Variants in RFPL4A observed in about 807,000 individuals in gnomAD.
The protein encoded by RFPL4A is ret finger protein like 4A, also known as ret finger protein-like 4A.
Under a neutral mutation model 8.3 loss-of-function variants are expected in RFPL4A, and 4 were observed. That is an observed-to-expected ratio of 0.48 (90% CI 0.24 to 1.10). The LOEUF is 1.10. Among genes scored for constraint, RFPL4A ranks in the 50% least tolerant of loss-of-function variants. RFPL4A has a pLI of 0.18. For synonymous variants in RFPL4A, 43 were observed against 136.6 expected, an observed-to-expected ratio of 0.31 and a Z score of 4.78; for missense variants, 111 against 358.7, an observed-to-expected ratio of 0.31 and a Z score of 5.58.
Position 55,759,189 on chromosome 19 carries a change from T to G in RFPL4A, c.-10+14T>G, listed in dbSNP as rs199838993. 1 of 120,112 alleles carries G rather than the reference T, an allele frequency of 8.3e-6. No homozygotes were observed. Among genetic ancestry groups the G allele is most frequent in the Non-Finnish European group, 1.9e-5 (1 of 53,844 alleles). The allele number at this position is 120,112 out of a possible 1,614,324, so 7.4% of individuals were successfully genotyped here. A position where few individuals can be genotyped will look rare whatever the true frequency, so the allele number is the denominator to read the frequency against. ...CCAGAAGGAGAGGTGAGTTCAATCT[T>G]ATGGAATTCATTTTTACAAAAGGCG... On this transcript the variant is annotated intron_variant, in intron 1 of 2. Coordinates refer to ENST00000434937, the MANE Select transcript of RFPL4A (RefSeq NM_001145014.2).
At chr19:55,758,434 C>T (rs1989216229), upstream of RFPL4A, among the ~76,000 whole-genome samples, 1 of 152,120 alleles carries the variant, frequency 6.6e-6, no homozygotes, top group East Asian at 1.9e-4. Flanking sequence ...ATATTTAATA[C>T]ATGAGGAACC....
intron 1 of RFPL4A, 73 bp from the exon 2 acceptor site, chr19:55,761,719 A>C: frequency 6.9e-7 from 1 of 1,450,086 alleles, no homozygotes; most frequent in Non-Finnish European, 9.3e-7. Flanking sequence ...TGTAAAGATA[A>C]AAGCCCCAAA....
At position 55,761,890 on chromosome 19, in the gene RFPL4A, C is replaced by T. The variant is rs1485324380; in HGVS notation, c.90C>T (p.Cys30=). The change falls in exon 2 of 3, where the codon TGC becomes TGT. Residue 30 remains cysteine (C), a synonymous_variant. Transcript: ENST00000434937. ...TGCAACTGAAATGTGGATATGCCTG[C>T]TGCCTCCAGTGCCTCAATTCACTCC... The part of the protein sequence containing the change: ...EAVQLKCGYA[C]CLQCLNSLQK... 1 of 1,502,516 alleles carries T rather than the reference C, an allele frequency of 6.7e-7. No individual in the cohort carries two copies. The highest frequency in any genetic ancestry group is 1.2e-5 in the South Asian group (1 of 82,860). The allele number at this position is 1,502,516 out of a possible 1,614,324, so 93.1% of individuals were successfully genotyped here. A position where few individuals can be genotyped will look rare whatever the true frequency, so the allele number is the denominator to read the frequency against.
At chr19:55,757,762 A>C (rs1989200090), upstream of RFPL4A, among the ~76,000 whole-genome samples, 1 of 152,082 alleles carries the variant, frequency 6.6e-6, no homozygotes, top group African/African-American at 2.4e-5. Flanking sequence ...CATGAGCATG[A>C]ATGCAATTCC....
rs2431833 is a variant in RFPL4A at position 55,759,587 on chromosome 19, A to G, written c.-10+412A>G. ...GTTTTTTGTTCCTTTTAATTCAGAA[A>G]GAGAAAGGGAAGGAAATGAAAAGCA... On this transcript the variant is annotated intron_variant, in intron 1 of 2. Coordinates refer to ENST00000434937, the MANE Select transcript of RFPL4A (RefSeq NM_001145014.2). 5.8e-3 allele frequency among the ~76,000 whole-genome samples: 873 copies of G among 151,168 alleles called. 3 individuals carry two copies. The highest frequency in any genetic ancestry group is 0.011 in the African/African-American group (441 of 40,838).
intron 1 of RFPL4A, among the ~76,000 whole-genome samples, chr19:55,761,110 A>G (rs1401076166): frequency 7.6e-6 from 1 of 130,882 alleles, no homozygotes; most frequent in Non-Finnish European, 1.7e-5. Context: ...TCCGCTATGC[A>G]GAAGATTCAG....
At chr19:55,759,512 C>A (rs1376269749) in intron 1 of RFPL4A, among the ~76,000 whole-genome samples, 3 of 151,230 alleles carry the variant, frequency 2.0e-5, no homozygotes, top group East Asian at 3.9e-4. Context: ...CTTCCCACAA[C>A]CCCTGGCAAC....
At position 55,762,832 on chromosome 19, in the gene RFPL4A, G is replaced by A. The variant is rs1433080705; in HGVS notation, c.521G>A (p.Arg174Gln). The change falls in exon 3 of 3, where the codon CGA becomes CAA. Residue 174 changes from arginine to glutamine, a missense_variant. Transcript: ENST00000434937. ...GGCGTGTGCAAGGAATCTGTGAACC[G>A]ACAGGGGAAGATTGTGCTTTCTTCA... ...DVGVCKESVN[R>Q]QGKIVLSSEH... 105 of 1,447,350 alleles carry A rather than the reference G, an allele frequency of 7.3e-5. 22 individuals carry two copies. Among genetic ancestry groups the A allele is most frequent in the Admixed American group, 1.2e-4 (6 of 49,294 alleles). 89.7% of individuals were successfully genotyped at this position (1,447,350 alleles called of 1,614,324 possible).
At chr19:55,761,484 G>T (rs1989281109) in intron 1 of RFPL4A, among the ~76,000 whole-genome samples, 1 of 140,860 alleles carries the variant, frequency 7.1e-6, no homozygotes, top group South Asian at 2.2e-4. Flanking sequence ...CCCATTTCAG[G>T]TCTCAATAGC....
rs760108267 is a variant in RFPL4A, at chr19:55,762,104, C to T, written c.286+18C>T. The T allele has an allele frequency of 1.3e-6, 2 of 1,524,540 alleles. No homozygotes were observed. Among genetic ancestry groups the T allele is most frequent in the African/African-American group, 2.8e-5 (2 of 70,224 alleles). The allele number at this position is 1,524,540 out of a possible 1,614,324, so 94.4% of individuals were successfully genotyped here. A position where few individuals can be genotyped will look rare whatever the true frequency, so the allele number is the denominator to read the frequency against. On this transcript the variant is annotated intron_variant, in intron 2 of 2. Transcript: ENST00000434937. ...GTTTCAAGGTAAGGAATCTATAGGA[C>T]CTGCCACAACCCATAAAAGGCACTG...
intron 1 of RFPL4A, among the ~76,000 whole-genome samples, chr19:55,759,906 G>A (rs1989247811): frequency 6.6e-6 from 1 of 151,570 alleles, no homozygotes; most frequent in African/African-American, 2.4e-5. Context: ...TTTTATGGTA[G>A]AATAATCCAA....
Position 55,762,034 on chromosome 19 carries a change from G to T in RFPL4A, c.234G>T (p.Glu78Asp). Reference sequence around the variant, plus strand: ...TGGTTTCCATCATCAAGGAACTAGAGCCCAAGCTGAAATCTGTTCTAACAA... The same window carrying T: ...TGGTTTCCATCATCAAGGAACTAGATCCCAAGCTGAAATCTGTTCTAACAA... Reference protein sequence around the residue: ...RALVSIIKELEPKLKSVLTMN... With the variant: ...RALVSIIKELDPKLKSVLTMN... Residue 78 changes from glutamate to aspartate, a missense_variant, in exon 2 of 3, where the codon GAG becomes GAT. Glu to Asp is a conservative substitution (Grantham distance 45, BLOSUM62 2). Coordinates refer to ENST00000434937, the MANE Select transcript of RFPL4A (RefSeq NM_001145014.2). 2.7e-6 allele frequency: 4 copies of T among 1,499,550 alleles called. No individual in the cohort carries two copies. Among genetic ancestry groups the T allele is most frequent in the Non-Finnish European group, 3.6e-6 (4 of 1,109,760 alleles). 92.9% of individuals were successfully genotyped at this position (1,499,550 alleles called of 1,614,324 possible).
intron 1 of RFPL4A, among the ~76,000 whole-genome samples, chr19:55,760,284 G>A (rs1309212722): frequency 2.0e-5 from 3 of 151,496 alleles, no homozygotes; most frequent in Admixed American, 6.6e-5. Context: ...GAGGGCTCAG[G>A]AGGCTCTCTG....
rs1049789243 is a variant in RFPL4A at position 55,761,687 on chromosome 19, C to T, written c.-9-105C>T. Reference sequence around the variant, plus strand: ...CACTAGCAGTAGTGATTTTAAGTGTCGTGCTATGATAGCTCCATGCATGTA... The same window carrying T: ...CACTAGCAGTAGTGATTTTAAGTGTTGTGCTATGATAGCTCCATGCATGTA... On this transcript the variant is annotated intron_variant, in intron 1 of 2. Transcript: ENST00000434937. 1.2e-5 allele frequency: 17 copies of T among 1,477,768 alleles called. 1 individual carries two copies. The highest frequency in any genetic ancestry group is 1.7e-4 in the Middle Eastern group (1 of 5,726). The allele number at this position is 1,477,768 out of a possible 1,614,324, so 91.5% of individuals were successfully genotyped here. A position where few individuals can be genotyped will look rare whatever the true frequency, so the allele number is the denominator to read the frequency against.
chr19:55,757,966 G>A (rs1989204442), upstream of RFPL4A, among the ~76,000 whole-genome samples: 1 of 152,120 alleles, frequency 6.6e-6, no homozygotes, highest in African/African-American at 2.4e-5. Flanking sequence ...ATTACAAGCT[G>A]GAGAATAACT....
chr19:55,757,353 C>G (rs917203658), upstream of RFPL4A, among the ~76,000 whole-genome samples: 1 of 151,812 alleles, frequency 6.6e-6, no homozygotes, highest in South Asian at 2.1e-4. Flanking sequence ...TGCACATGTA[C>G]CCCAGAACTT....
upstream of RFPL4A, among the ~76,000 whole-genome samples, chr19:55,758,519 CAG>C (rs1989218591): frequency 6.6e-6 from 1 of 151,328 alleles, no homozygotes; most frequent in African/African-American, 2.4e-5. Flanking sequence ...TAGATTGTAA[CAG>C]TAACGTTTAA....
chr19:55,759,562 G>GT (rs1439265992), intron 1 of RFPL4A, among the ~76,000 whole-genome samples: 1 of 150,188 alleles, frequency 6.7e-6, no homozygotes, highest in African/African-American at 2.5e-5. Flanking sequence ...TTTTTGTTCA[G>GT]TTTTTTGTTC....
In RFPL4A at chr19:55,759,714, G is replaced by A. The variant is rs560566125; in HGVS notation, c.-10+539G>A. 9.9e-5 allele frequency among the ~76,000 whole-genome samples: 15 copies of A among 151,388 alleles called. No homozygotes were observed. The East Asian group carries it at 2.8e-3, about 28-fold the overall frequency. ...TATTTCTTTAATTGTTTTGAGACAG[G>A]GTCTCGCTCTGTCTGCCAGGCTGGA... On this transcript the variant is annotated intron_variant, in intron 1 of 2. Coordinates refer to ENST00000434937, the MANE Select transcript of RFPL4A (RefSeq NM_001145014.2).
Sources: gnomAD v4.1 joint callset for allele counts (sites outside exome capture counted in the v4.1 genomes callset) on GRCh38, gnomAD v4.1.1 for gene constraint, MANE v1.5 for transcripts, NCBI Gene and HGNC (gene_info 2026-07-23, HGNC 2026-07-21) for gene names.